PPP1R13L: variants seen among roughly 807,000 people sequenced by gnomAD.
The protein encoded by PPP1R13L is relA-associated inhibitor.
In PPP1R13L, 50 loss-of-function variants were observed where a neutral mutation model predicts 80.9. The ratio of observed to expected loss-of-function variants is 0.62; its 90% CI spans 0.49 to 0.78. The LOEUF is 0.78. Ranked by LOEUF, PPP1R13L falls within the 30% of genes least tolerant of loss-of-function variation. PPP1R13L has a pLI of 0.00. For synonymous variants in PPP1R13L, 602 were observed against 534.3 expected, an observed-to-expected ratio of 1.13 and a Z score of -1.75; for missense variants, 1,200 against 1,205.9, an observed-to-expected ratio of 1.00 and a Z score of 0.07.
rs768492726 is a variant in PPP1R13L at position 45,405,006 on chromosome 19, G to C, written c.-29C>G. 1 of 985,888 alleles carries C rather than the reference G, an allele frequency of 1.0e-6. No individual in the cohort carries two copies. Among genetic ancestry groups the C allele is most frequent in the African/African-American group, 1.7e-5 (1 of 57,236 alleles). 61.1% of individuals were successfully genotyped at this position (985,888 alleles called of 1,614,324 possible). A position where few individuals can be genotyped will look rare whatever the true frequency, so the allele number is the denominator to read the frequency against. On this transcript the variant is annotated 5_prime_UTR_variant, in exon 1 of 13. Coordinates refer to ENST00000360957, the MANE Select transcript of PPP1R13L (RefSeq NM_006663.4). ...CAGGAGGGTGAAACTCACGGATCCG[G>C]GCAGATCCTGGCACCTGGGGGCTTC...
At chr19:45,390,218 G>T (rs10419931) in intron 8 of PPP1R13L, among the ~76,000 whole-genome samples, 41,725 of 151,956 alleles carry the variant, frequency 0.27, 6,614 homozygotes, top group African/African-American at 0.42. Context: ...AGCCTCCTGA[G>T]TAGCTGGGAT....
chr19:45,396,317 C>A lies in PPP1R13L; in HGVS notation c.811+21G>T. The A allele has an allele frequency of 6.2e-7, 1 of 1,613,854 alleles. No homozygotes were observed. The highest frequency in any genetic ancestry group is 1.1e-5 in the South Asian group (1 of 91,078). ...CTGCCTCTCCTCCGGGTCCTCCATTCCCCGGGCCTCCACCACTCACGTTCA... is the reference window on the plus strand; with the variant it reads ...CTGCCTCTCCTCCGGGTCCTCCATTACCCGGGCCTCCACCACTCACGTTCA... On this transcript the variant is annotated intron_variant, in intron 5 of 12. Transcript: ENST00000360957. This position sits in a 1 kb window ranked among gnomAD's most constrained non-coding sequence, Gnocchi z 5.3.
At position 45,380,194 on chromosome 19, in the gene PPP1R13L, A is replaced by G. The variant is rs1280185187; in HGVS notation, c.2483T>C (p.Val828Ala). The G allele has an allele frequency of 5.0e-6, 8 of 1,613,868 alleles. No homozygotes were observed. Among genetic ancestry groups the G allele is most frequent in the Non-Finnish European group, 6.8e-6 (8 of 1,179,992 alleles). Residue 828 changes from valine (V) to alanine (A), a missense_variant, in exon 13 of 13, where the codon GTC (valine) becomes GCC (alanine). Transcript: ENST00000360957. ...CAGAAACCTCCTTCTATCCTGCTAG[A>G]CTTTACTCCTTTGAGGCTTCACCCT... ...FPRVKPQRSKV is the reference protein window; with the variant it reads ...FPRVKPQRSKA
In PPP1R13L at chr19:45,382,682, C is replaced by G; in HGVS notation, c.2293G>C (p.Ala765Pro). 1.2e-6 allele frequency: 2 copies of G among 1,614,054 alleles called. No individual in the cohort carries two copies. Among genetic ancestry groups the G allele is most frequent in the African/African-American group, 2.7e-5 (2 of 75,074 alleles). ...AACTCGGCGCTGTAGTCCCAGAGAG[C>G]GTACACTGCCCCGCTGTTCATCAGC... The part of the protein sequence containing the change: ...MGLMNSGAVY[A>P]LWDYSAEFGD... The change falls in exon 12 of 13, where the codon GCT (alanine) becomes CCT (proline). Residue 765 changes from alanine to proline, a missense_variant. Physicochemically the swap from Ala to Pro is conservative, Grantham distance 27. Around this residue, in one of 5 missense-constraint regions of PPP1R13L, gnomAD observed 165 missense variants for 177.1 expected, o/e 0.93. Coordinates refer to ENST00000360957, the MANE Select transcript of PPP1R13L (RefSeq NM_006663.4).
At chr19:45,386,861 C>A (rs1163897822) in intron 8 of PPP1R13L, among the ~76,000 whole-genome samples, 1 of 151,640 alleles carries the variant, frequency 6.6e-6, no homozygotes, top group Non-Finnish European at 1.5e-5. Flanking sequence ...GTCTCGAACT[C>A]CTGACCTCAG....
intron 12 of PPP1R13L, 97 bp from the exon 13 acceptor site, chr19:45,380,325 G>A: frequency 6.8e-7 from 1 of 1,463,666 alleles, no homozygotes; most frequent in Non-Finnish European, 9.5e-7. Flanking sequence ...CCCTTCCTAA[G>A]GGGACCTCTC....
chr19:45,386,146 G>C lies in PPP1R13L; in HGVS notation c.1850C>G (p.Pro617Arg), dbSNP rs1279945435. The C allele has an allele frequency of 2.6e-6, 4 of 1,540,468 alleles. No individual in the cohort carries two copies. The highest frequency in any genetic ancestry group is 1.4e-5 in the African/African-American group (1 of 72,290). ...GAGGCGCGCGCGGCGGGCCTTGCGC[G>C]GGGAGCCCGCCTTCCGCAGCACAGA... is the stretch of plus-strand genomic sequence containing the variant. ...MRSVLRKAGS[P>R]RKARRARLNP... is the part of the protein sequence containing the mutation. Residue 617 changes from proline (P) to arginine (R), a missense_variant, in exon 9 of 13, where the codon CCG (proline) becomes CGG (arginine). Pro to Arg is a moderately radical substitution (Grantham distance 103). This residue lies in a region of PPP1R13L where 214 missense variants were observed against 199.6 expected (regional missense o/e 1.07). Transcript: ENST00000360957.
Position 45,391,903 on chromosome 19 carries a change from GGCT to G in PPP1R13L, c.1789_1791del (p.Ser597del). 6.7e-7 allele frequency: 1 copy of G among 1,490,052 alleles called. No individual in the cohort carries two copies. Among genetic ancestry groups the G allele is most frequent in the Admixed American group, 2.5e-5 (1 of 40,804 alleles). The allele number at this position is 1,490,052 out of a possible 1,614,324, so 92.3% of individuals were successfully genotyped here. ...ACCATGCTCTGCGGCTGCTCTGGTG[GGCT>G]GCTCTGGGACGGGGCCGGGGGTGGA... On this transcript the variant is annotated inframe_deletion, in exon 8 of 13. Transcript: ENST00000360957.
At chr19:45,405,327 G>T (rs1328348891), upstream of PPP1R13L, among the ~76,000 whole-genome samples, 1 of 152,212 alleles carries the variant, frequency 6.6e-6, no homozygotes, top group Non-Finnish European at 1.5e-5. Flanking sequence ...GCTGTGGCTG[G>T]AGACTGACTC....
intron 11 of PPP1R13L, among the ~76,000 whole-genome samples, chr19:45,384,114 G>A (rs1253528084): frequency 1.3e-5 from 2 of 148,998 alleles, no homozygotes; most frequent in African/African-American, 5.0e-5. Context: ...GTCTCACTCT[G>A]CCACCCAGGC....
chr19:45,388,401 C>T (rs1972908860), intron 8 of PPP1R13L, among the ~76,000 whole-genome samples: 2 of 151,990 alleles, frequency 1.3e-5, no homozygotes, highest in African/African-American at 4.8e-5. Context: ...ATAATGAGAA[C>T]TGTCTCTACT....
chr19:45,393,893 C>T (rs989341745), intron 7 of PPP1R13L, among the ~76,000 whole-genome samples: 12 of 151,962 alleles, frequency 7.9e-5, no homozygotes, highest in Admixed American at 2.0e-4. Flanking sequence ...AACTCTGTCT[C>T]AAAAATAAAT....
chr19:45,384,380 A>AAAAAAAAAAAG (rs1972826440), intron 11 of PPP1R13L, among the ~76,000 whole-genome samples: 1 of 147,684 alleles, frequency 6.8e-6, no homozygotes, highest in African/African-American at 2.6e-5. Flanking sequence ...AAAAAAAAAA[A>AAAAAAAAAAAG]AAAAAGTTAG....
In PPP1R13L at chr19:45,398,130, T is replaced by G; in HGVS notation, c.73A>C (p.Met25Leu). 1 of 1,614,006 alleles carries G rather than the reference T, an allele frequency of 6.2e-7. No individual in the cohort carries two copies. Among genetic ancestry groups the G allele is most frequent in the African/African-American group, 1.3e-5 (1 of 75,046 alleles). The stretch of plus-strand genomic sequence containing the variant: ...TCCAGCTCCATCTGCTTCAGATCCA[T>G]GTGTTTCATGGCCAGCGCTGGGAAG... ...MNFQSLAMKH[M>L]DLKQMELDTA... The change falls in exon 3 of 13, where the codon ATG becomes CTG. Residue 25 changes from methionine to leucine, a missense_variant. Met to Leu is a conservative substitution (Grantham distance 15, BLOSUM62 2). Transcript: ENST00000360957.
In PPP1R13L at chr19:45,398,074, G is replaced by A. The variant is rs147233175; in HGVS notation, c.129C>T (p.Thr43=). The A allele has an allele frequency of 3.1e-6, 5 of 1,614,044 alleles. No homozygotes were observed. The African/African-American group carries it at 6.7e-5, about 22-fold the overall frequency. The change falls in exon 3 of 13, where the codon ACC becomes ACT. Residue 43 remains threonine (T), a synonymous_variant. Transcript: ENST00000360957. The part of the protein sequence containing the change: ...DTAAAKVDEL[T]KQLESLWSDS... The stretch of plus-strand genomic sequence containing the variant: ...CTGACCACAGCGACTCCAGCTGCTT[G>A]GTCAGTTCATCCACCTTGGCCGCCG...
chr19:45,398,078 A>G lies in PPP1R13L; in HGVS notation c.125T>C (p.Leu42Pro). 1 of 1,614,146 alleles carries G rather than the reference A, an allele frequency of 6.2e-7. No individual in the cohort carries two copies. Among genetic ancestry groups the G allele is most frequent in the South Asian group, 1.1e-5 (1 of 91,088 alleles). ...LDTAAAKVDE[L>P]TKQLESLWSD... ...CCACAGCGACTCCAGCTGCTTGGTC[A>G]GTTCATCCACCTTGGCCGCCGCCGT... is the stretch of plus-strand genomic sequence containing the variant. Residue 42 changes from leucine (L) to proline (P), a missense_variant, in exon 3 of 13, where the codon CTG (leucine) becomes CCG (proline). By Grantham distance (98) the Leu-to-Pro change is moderately conservative. Coordinates refer to ENST00000360957, the MANE Select transcript of PPP1R13L (RefSeq NM_006663.4).
At position 45,398,291 on chromosome 19, in the gene PPP1R13L, G is replaced by A. The variant is rs758386261; in HGVS notation, c.28C>T (p.Arg10Trp). MDSEAFQSA[R>W]DFLDMNFQSL... is the part of the protein sequence containing the mutation. ...TGGAAGTTCATGTCCAGAAAGTCCCGCGCGCTCTGGAATGCCTCGCTGTCC... is the reference window on the plus strand; with the variant it reads ...TGGAAGTTCATGTCCAGAAAGTCCCACGCGCTCTGGAATGCCTCGCTGTCC... The change falls in exon 2 of 13, where the codon CGG (arginine) becomes TGG (tryptophan). Residue 10 changes from arginine to tryptophan, a missense_variant. Coordinates refer to ENST00000360957, the MANE Select transcript of PPP1R13L (RefSeq NM_006663.4). 5.6e-6 allele frequency: 9 copies of A among 1,613,850 alleles called. No individual in the cohort carries two copies. The Admixed American group carries it at 1.0e-4, about 18-fold the overall frequency.
At chr19:45,382,982 C>T (rs1047064532) in intron 11 of PPP1R13L, among the ~76,000 whole-genome samples, 2 of 137,896 alleles carry the variant, frequency 1.5e-5, no homozygotes, top group African/African-American at 5.7e-5. Context: ...CAGAGGCTCC[C>T]ATTTCTTTTC....
chr19:45,391,987 T>C lies in PPP1R13L; in HGVS notation c.1708A>G (p.Thr570Ala). 2 of 1,528,872 alleles carry C rather than the reference T, an allele frequency of 1.3e-6. No individual in the cohort carries two copies. The highest frequency in any genetic ancestry group is 1.8e-6 in the Non-Finnish European group (2 of 1,140,896). 94.7% of individuals were successfully genotyped at this position (1,528,872 alleles called of 1,614,324 possible). The change falls in exon 8 of 13, where the codon ACT becomes GCT. Residue 570 changes from threonine (T) to alanine (A), a missense_variant. Thr to Ala is a moderately conservative substitution (Grantham distance 58, BLOSUM62 0). Transcript: ENST00000360957. ...CCTGCCCTGGCCTCAGATCCCTCAG[T>C]GATGGGGGACAGCTCTGGCTCCGGC... Reference protein sequence around the residue: ...GGPEPELSPITEGSEARAGPP... With the variant: ...GGPEPELSPIAEGSEARAGPP...
Sources: gnomAD v4.1 joint callset for allele counts (sites outside exome capture counted in the v4.1 genomes callset) on GRCh38, gnomAD v4.1.1 for gene constraint, gnomAD v4.1.1 regional missense constraint, Gnocchi (gnomAD v3.1) non-coding constraint, MANE v1.5 for transcripts, NCBI Gene and HGNC (gene_info 2026-07-23, HGNC 2026-07-21) for gene names.